The following AHNAK2 variants were observed in gnomAD, a reference collection of about 807,000 sequenced individuals.
AHNAK2 encodes AHNAK nucleoprotein 2, also known as protein AHNAK2.
AHNAK2 carries 18 observed loss-of-function variants against 30.7 expected under a neutral mutation model. The ratio of observed to expected loss-of-function variants is 0.59; its 90% CI spans 0.41 to 0.87. The LOEUF (loss-of-function observed/expected upper bound fraction) is 0.87, where lower values mean the gene tolerates loss of function less well. Among genes scored for constraint, AHNAK2 ranks in the 40% least tolerant of loss-of-function variants. The pLI is 0.00. For synonymous variants in AHNAK2, 3,590 were observed against 3,073.8 expected, an observed-to-expected ratio of 1.17 and a Z score of -5.56; for missense variants, 8,604 against 7,373.0, an observed-to-expected ratio of 1.17 and a Z score of -6.11.
Position 104,954,323 on chromosome 14 carries a change from C to G in AHNAK2, c.1128G>C (p.Arg376Ser). The G allele has an allele frequency of 2.5e-6, 4 of 1,613,676 alleles. No individual in the cohort carries two copies. Among genetic ancestry groups the G allele is most frequent in the Non-Finnish European group, 3.4e-6 (4 of 1,179,894 alleles). The part of the protein sequence containing the change: ...LEETGAATGS[R>S]REERAEQDRE... The stretch of plus-strand genomic sequence containing the variant: ...GATCCTGTTCTGCCCTCTCCTCTCT[C>G]CTGCTGCCTGTGGCAGCCCCAGTCT... Residue 376 changes from arginine (R) to serine (S), a missense_variant, in exon 7 of 7, where the codon AGG becomes AGC. By Grantham distance (110) the Arg-to-Ser change is moderately radical. Coordinates refer to ENST00000333244, the MANE Select transcript of AHNAK2 (RefSeq NM_138420.4). The surrounding 1 kb of genome is among the most constrained non-coding windows in gnomAD (Gnocchi z 4.3).
Position 104,946,752 on chromosome 14 carries a change from T to G in AHNAK2, c.8699A>C (p.Gln2900Pro). The stretch of plus-strand genomic sequence containing the variant: ...TTTGGGCATCTTGAAACTGGGCATC[T>G]GCACCTTGGGCAGGTGCCCTTTGAG... The part of the protein sequence containing the change: ...AGLKGHLPKV[Q>P]MPSFKMPKVD... Residue 2900 changes from glutamine (Q) to proline (P), a missense_variant, in exon 7 of 7, where the codon CAG (glutamine) becomes CCG (proline). Physicochemically the swap from Gln to Pro is moderately conservative, Grantham distance 76. Transcript: ENST00000333244. 1 of 1,612,734 alleles carries G rather than the reference T, an allele frequency of 6.2e-7. No individual in the cohort carries two copies. The highest frequency in any genetic ancestry group is 1.1e-5 in the South Asian group (1 of 91,036).
rs746275298 is a variant in AHNAK2, at chr14:104,947,969, C to G, written c.7482G>C (p.Gly2494=). The change falls in exon 7 of 7, where the codon GGG becomes GGC. Residue 2494 remains glycine, a synonymous_variant. Transcript: ENST00000333244. ...KIPKFKMPSF[G]VSAPGKSIEA... ...CGATGGACTTGCCTGGGGCAGACAC[C>G]CCGAATGACGGCATCTTGAACTTGG... 2.5e-6 allele frequency: 4 copies of G among 1,612,858 alleles called. No homozygotes were observed. The highest frequency in any genetic ancestry group is 1.7e-4 in the Middle Eastern group (1 of 6,056).
chr14:104,955,016 G>T lies in AHNAK2; in HGVS notation c.592C>A (p.Gln198Lys). The change falls in exon 6 of 7, where the codon CAG becomes AAG. Residue 198 changes from glutamine to lysine, a missense_variant. Gln to Lys is a moderately conservative substitution (Grantham distance 53, BLOSUM62 1). Coordinates refer to ENST00000333244, the MANE Select transcript of AHNAK2 (RefSeq NM_138420.4). ...FKIRRQLPAP[Q>K]DEEWASSDAQ... ...TCGCTGGAAGCCCACTCTTCATCCT[G>T]TGGGGCAGGGAGCTGCCGTCTGATT... 1 of 1,613,748 alleles carries T rather than the reference G, an allele frequency of 6.2e-7. No homozygotes were observed. Among genetic ancestry groups the T allele is most frequent in the African/African-American group, 1.3e-5 (1 of 75,080 alleles).
intron 3 of AHNAK2, 30 bp from the exon 4 acceptor site, chr14:104,956,719 C>T: frequency 6.2e-7 from 1 of 1,608,080 alleles, no homozygotes. Flanking sequence ...GAGTTAGGCA[C>T]CTGCCCCAGC....
rs766943541 is a variant in AHNAK2, at chr14:104,947,704, C to A, written c.7747G>T (p.Gly2583Cys). ...SFKMPEMDLK[G>C]PQLDVKGPKL... is the part of the protein sequence containing the mutation. ...GGGCCCTTGACATCTAGCTGGGGGC[C>A]CTTGAGGTCCATTTCAGGCATCTTG... The change falls in exon 7 of 7, where the codon GGC becomes TGC. Residue 2583 changes from glycine (G) to cysteine (C), a missense_variant. Gly to Cys is a radical substitution (Grantham distance 159). Transcript: ENST00000333244. 24 of 1,612,678 alleles carry A rather than the reference C, an allele frequency of 1.5e-5. 1 individual carries two copies. The Admixed American group carries it at 3.2e-4, about 21-fold the overall frequency.
Position 104,941,775 on chromosome 14 carries a change from A to C in AHNAK2, c.13676T>G (p.Val4559Gly). 6.2e-7 allele frequency: 1 copy of C among 1,613,604 alleles called. No homozygotes were observed. The highest frequency in any genetic ancestry group is 8.5e-7 in the Non-Finnish European group (1 of 1,179,774). ...VEMPSFKMPK[V>G]DLKGPQVDVK... ...GTCCACCTGGGGGCCCTTGAGGTCC[A>C]CTTTGGGCATCTTGAAACTGGGCAT... The change falls in exon 7 of 7, where the codon GTG becomes GGG. Residue 4559 changes from valine to glycine, a missense_variant. Transcript: ENST00000333244.
In AHNAK2 at chr14:104,947,101, G is replaced by T. The variant is rs760804240; in HGVS notation, c.8350C>A (p.Gln2784Lys). 26 of 1,611,636 alleles carry T rather than the reference G, an allele frequency of 1.6e-5. No individual in the cohort carries two copies. In the Admixed American group the frequency reaches 4.3e-4, roughly 27 times the overall value. The change falls in exon 7 of 7, where the codon CAG (glutamine) becomes AAG (lysine). Residue 2784 changes from glutamine (Q) to lysine (K), a missense_variant. Transcript: ENST00000333244. ...CCATCCAGCTTTGCTCTCGGGGCCTGGACGTCCACCTCCATGCTGGACAGA... is the reference window on the plus strand; with the variant it reads ...CCATCCAGCTTTGCTCTCGGGGCCTTGACGTCCACCTCCATGCTGGACAGA... ...MSLSSMEVDV[Q>K]APRAKLDGAR...
In AHNAK2 at chr14:104,945,049, C is replaced by T. The variant is rs778186444; in HGVS notation, c.10402G>A (p.Ala3468Thr). ...GGCATTTTGAACTTGCTGTCTTTGG[C>T]AGTCACATCCTTTTCAGCCAGGGAC... ...DLSLAEKDVTAKDSKFKMPKF... is the reference protein window; with the variant it reads ...DLSLAEKDVTTKDSKFKMPKF... Residue 3468 changes from alanine (A) to threonine (T), a missense_variant, in exon 7 of 7, where the codon GCC (alanine) becomes ACC (threonine). Coordinates refer to ENST00000333244, the MANE Select transcript of AHNAK2 (RefSeq NM_138420.4). 1.4e-5 allele frequency: 23 copies of T among 1,613,184 alleles called. No homozygotes were observed. In the African/African-American group the frequency reaches 1.6e-4, roughly 11 times the overall value.
rs767547450 is a variant in AHNAK2, at chr14:104,946,652, C to T, written c.8799G>A (p.Thr2933=). 200 of 1,611,904 alleles carry T rather than the reference C, an allele frequency of 1.2e-4. 4 individuals are homozygous for T. Among genetic ancestry groups the T allele is most frequent in the African/African-American group, 1.2e-3 (87 of 74,288 alleles). The change falls in exon 7 of 7, where the codon ACG becomes ACA. Residue 2933 remains threonine, a synonymous_variant. Transcript: ENST00000333244. ...LDLKGPKAEV[T]APDVEVSLPS... is the part of the protein sequence containing the mutation. ...GCAGAGACACCTCCACGTCGGGGGC[C>T]GTCACCTCCGCCTTGGGGCCTTTCA... is the stretch of plus-strand genomic sequence containing the variant.
chr14:104,971,315 A>G (rs758693822), intron 1 of AHNAK2, among the ~76,000 whole-genome samples: 38 of 151,984 alleles, frequency 2.5e-4, no homozygotes, highest in Admixed American at 5.2e-4. Context: ...GGATCCTACC[A>G]TATTGTCCAG....
chr14:104,959,183 T>A (rs955208097), intron 1 of AHNAK2, among the ~76,000 whole-genome samples: 13 of 152,244 alleles, frequency 8.5e-5, no homozygotes, highest in Non-Finnish European at 1.8e-4. Flanking sequence ...AAAAAAAATT[T>A]TTTTTTTGAG....
chr14:104,951,823 C>A lies in AHNAK2; in HGVS notation c.3628G>T (p.Asp1210Tyr), dbSNP rs371315830. 2 of 1,566,530 alleles carry A rather than the reference C, an allele frequency of 1.3e-6. 1 individual carries two copies. The highest frequency in any genetic ancestry group is 1.7e-6 in the Non-Finnish European group (2 of 1,143,804). ...PSMQGDLKTT[D>Y]LSIQPPSADL... Reference sequence around the variant, plus strand: ...GCGGAAGGGGGCTGAATGCTGAGGTCAGTGGTCTTGAGGTCCCCCTGCATG... The same window carrying A: ...GCGGAAGGGGGCTGAATGCTGAGGTAAGTGGTCTTGAGGTCCCCCTGCATG... Residue 1210 changes from aspartate (D) to tyrosine (Y), a missense_variant, in exon 7 of 7, where the codon GAC becomes TAC. Asp to Tyr is a radical substitution (Grantham distance 160, BLOSUM62 -3). Coordinates refer to ENST00000333244, the MANE Select transcript of AHNAK2 (RefSeq NM_138420.4).
chr14:104,938,242 G>C lies in AHNAK2; in HGVS notation c.17209C>G (p.Arg5737Gly), dbSNP rs756633208. The C allele has an allele frequency of 1.2e-6, 2 of 1,613,540 alleles. No individual in the cohort carries two copies. The highest frequency in any genetic ancestry group is 2.7e-5 in the African/African-American group (2 of 74,874). Residue 5737 changes from arginine to glycine, a missense_variant, in exon 7 of 7, where the codon CGA (arginine) becomes GGA (glycine). By Grantham distance (125) the Arg-to-Gly change is moderately radical. Transcript: ENST00000333244. ...TTCTCTTCAGGGGAGAAACTTTCTC[G>C]GGCATCAAAAAACGTGATTGTTTCT... Reference protein sequence around the residue: ...QEETITFFDARESFSPEEKEE... With the variant: ...QEETITFFDAGESFSPEEKEE...
rs560415825 is a variant in AHNAK2, at chr14:104,957,712, G to C, written c.56-40C>G. 238 of 1,592,706 alleles carry C rather than the reference G, an allele frequency of 1.5e-4. 1 individual carries two copies. In the African/African-American group the frequency reaches 2.9e-3, roughly 20 times the overall value. ...GCTGTCAGTGGAGACAAGCAGGCTG[G>C]GGGAGCAGATCGGGGCCCGGGGGAG... On this transcript the variant is annotated intron_variant, in intron 1 of 6. Coordinates refer to ENST00000333244, the MANE Select transcript of AHNAK2 (RefSeq NM_138420.4).
rs780291163 is a variant in AHNAK2 at position 104,943,325 on chromosome 14, G to C, written c.12126C>G (p.Pro4042=). 5.0e-6 allele frequency: 8 copies of C among 1,612,622 alleles called. No homozygotes were observed. Among genetic ancestry groups the C allele is most frequent in the African/African-American group, 2.7e-5 (2 of 74,624 alleles). ...VDVKLPEGPV[P]EGASLKGHLP... ...GGTGCCCTTTGAGGCTGGCTCCCTC[G>C]GGCACGGGGCCCTCTGGGAGTTTCA... is the stretch of plus-strand genomic sequence containing the variant. The change falls in exon 7 of 7, where the codon CCC becomes CCG. Residue 4042 remains proline (P), a synonymous_variant. Coordinates refer to ENST00000333244, the MANE Select transcript of AHNAK2 (RefSeq NM_138420.4).
chr14:104,943,567 T>C lies in AHNAK2; in HGVS notation c.11884A>G (p.Thr3962Ala). 6.2e-7 allele frequency: 1 copy of C among 1,612,686 alleles called. No individual in the cohort carries two copies. Among genetic ancestry groups the C allele is most frequent in the South Asian group, 1.1e-5 (1 of 91,004 alleles). The change falls in exon 7 of 7, where the codon ACG (threonine) becomes GCG (alanine). Residue 3962 changes from threonine to alanine, a missense_variant. By Grantham distance (58) the Thr-to-Ala change is moderately conservative (BLOSUM62 0). Coordinates refer to ENST00000333244, the MANE Select transcript of AHNAK2 (RefSeq NM_138420.4). ...GDLSLADKDMTAKDSKFKMPK... is the reference protein window; with the variant it reads ...GDLSLADKDMAAKDSKFKMPK... The stretch of plus-strand genomic sequence containing the variant: ...ATTTTGAACTTGCTGTCTTTGGCCG[T>C]CATGTCCTTGTCGGCCAGGGACAGG...
chr14:104,954,706 C>G lies in AHNAK2; in HGVS notation c.745G>C (p.Gly249Arg), dbSNP rs373015857. Reference protein sequence around the residue: ...QERLISKPRVGRGRQSQRERL... With the variant: ...QERLISKPRVRRGRQSQRERL... ...TCCCTCTGGCTCTGCCTGCCTCTCC[C>G]CACCCTTGGTTTGGAGATGAGTCTC... is the stretch of plus-strand genomic sequence containing the variant. Residue 249 changes from glycine to arginine, a missense_variant, in exon 7 of 7, where the codon GGG becomes CGG. Physicochemically the swap from Gly to Arg is moderately radical, Grantham distance 125. Transcript: ENST00000333244. This position sits in a 1 kb window ranked among gnomAD's most constrained non-coding sequence, Gnocchi z 4.3. 2 of 1,612,894 alleles carry G rather than the reference C, an allele frequency of 1.2e-6. No homozygotes were observed. The highest frequency in any genetic ancestry group is 3.3e-5 in the Admixed American group (2 of 59,926).
At position 104,947,096 on chromosome 14, in the gene AHNAK2, G is replaced by A. The variant is rs368948621; in HGVS notation, c.8355C>T (p.Ala2785=). 66 of 1,612,372 alleles carry A rather than the reference G, an allele frequency of 4.1e-5. 1 individual carries two copies. The African/African-American group carries it at 8.5e-4, about 21-fold the overall frequency. ...GCGCACCATCCAGCTTTGCTCTCGGGGCCTGGACGTCCACCTCCATGCTGG... is the reference window on the plus strand; with the variant it reads ...GCGCACCATCCAGCTTTGCTCTCGGAGCCTGGACGTCCACCTCCATGCTGG... ...SLSSMEVDVQ[A]PRAKLDGARL... Residue 2785 remains alanine, a synonymous_variant, in exon 7 of 7, where the codon GCC becomes GCT. Transcript: ENST00000333244.
chr14:104,946,976 C>T lies in AHNAK2; in HGVS notation c.8475G>A (p.Val2825=), dbSNP rs764113392. ...MPKFKMPSFG[V]SAPGKSIEAS... is the part of the protein sequence containing the mutation. Reference sequence around the variant, plus strand: ...CCTCGATGGACTTGCCTGGGGCCGACACCCCGAATGACGGCATCTTGAACT... The same window carrying T: ...CCTCGATGGACTTGCCTGGGGCCGATACCCCGAATGACGGCATCTTGAACT... Residue 2825 remains valine (V), a synonymous_variant, in exon 7 of 7, where the codon GTG becomes GTA. Transcript: ENST00000333244. 5.3e-5 allele frequency: 85 copies of T among 1,612,544 alleles called. No homozygotes were observed. The Admixed American group carries it at 5.8e-4, about 11-fold the overall frequency.
Sources: allele counts gnomAD v4.1 joint callset (sites outside exome capture counted in the v4.1 genomes callset), GRCh38; gene constraint gnomAD v4.1.1; non-coding constraint Gnocchi (gnomAD v3.1); transcripts MANE v1.5; gene names NCBI Gene and HGNC (gene_info 2026-07-23, HGNC 2026-07-21).